The following EPHB6 variants were observed in gnomAD, a reference collection of about 807,000 sequenced individuals.
EPHB6 encodes ephrin type-B receptor 6.
Under a neutral mutation model 107.0 loss-of-function variants are expected in EPHB6, and 51 were observed. The observed-to-expected ratio is 0.48, with a 90% CI of 0.38 to 0.60. The LOEUF (loss-of-function observed/expected upper bound fraction) is 0.60. Among genes scored for constraint, EPHB6 ranks in the 20% least tolerant of loss-of-function variants. The probability of loss-of-function intolerance (pLI) is 0.00; values close to 1 mark genes in which losing one functional copy is unlikely to be tolerated. For synonymous variants in EPHB6, 553 were observed against 549.0 expected (o/e 1.01, Z -0.10); for missense variants, 1,141 against 1,355.5 (o/e 0.84, Z 2.48).
At position 142,863,252 on chromosome 7, in the gene EPHB6, T is replaced by C. The variant is rs1484362886; in HGVS notation, c.25T>C (p.Leu9=). The part of the protein sequence containing the change: MATEGAAQ[L]GNRVAGMVCS... ...CATGGCTACTGAAGGGGCTGCCCAG[T>C]TAGGGAACAGAGTGGCGGGCATGGT... Residue 9 remains leucine (L), a synonymous_variant, in exon 5 of 20, where the codon TTA becomes CTA. Transcript: ENST00000652003. 1.2e-6 allele frequency: 2 copies of C among 1,613,892 alleles called. No homozygotes were observed. Among genetic ancestry groups the C allele is most frequent in the South Asian group, 1.1e-5 (1 of 91,052 alleles).
Position 142,867,641 on chromosome 7 carries a change from C to A in EPHB6, c.1784C>A (p.Ser595Tyr). ...TCTTCCCAGCTTCCAGAAAGACTCTCCTTGGTGATCGGCTCCATCCTGGGG... is the reference window on the plus strand; with the variant it reads ...TCTTCCCAGCTTCCAGAAAGACTCTACTTGGTGATCGGCTCCATCCTGGGG... The part of the protein sequence containing the change: ...ELSSQLPERL[S>Y]LVIGSILGAL... The change falls in exon 12 of 20, where the codon TCC becomes TAC. Residue 595 changes from serine (S) to tyrosine (Y), a missense_variant. By Grantham distance (144) the Ser-to-Tyr change is moderately radical. Transcript: ENST00000652003. This position sits in a 1 kb window ranked among gnomAD's most constrained non-coding sequence, Gnocchi z 5.3. 1 of 1,613,526 alleles carries A rather than the reference C, an allele frequency of 6.2e-7. No homozygotes were observed. Among genetic ancestry groups the A allele is most frequent in the Non-Finnish European group, 8.5e-7 (1 of 1,179,930 alleles).
Position 142,866,541 on chromosome 7 carries a change from C to G in EPHB6, c.1523C>G (p.Ser508Cys), listed in dbSNP as rs2116449366. Residue 508 changes from serine (S) to cysteine (C), a missense_variant, in exon 10 of 20, where the codon TCC becomes TGC. This residue lies in a region of EPHB6 where 616 missense variants were observed against 759.3 expected (regional missense o/e 0.81). Transcript: ENST00000652003. This position sits in a 1 kb window ranked among gnomAD's most constrained non-coding sequence, Gnocchi z 5.2. ...VSRASNSITV[S>C]WPQPDQTNGN... Reference sequence around the variant, plus strand: ...CGGGCATCCAACAGCATCACGGTGTCCTGGCCGCAGCCCGACCAGACCAAT... The same window carrying G: ...CGGGCATCCAACAGCATCACGGTGTGCTGGCCGCAGCCCGACCAGACCAAT... 1 of 1,614,196 alleles carries G rather than the reference C, an allele frequency of 6.2e-7. No homozygotes were observed. Among genetic ancestry groups the G allele is most frequent in the Non-Finnish European group, 8.5e-7 (1 of 1,180,036 alleles).
intron 7 of EPHB6, among the ~76,000 whole-genome samples, chr7:142,864,987 A>G (rs1803073835): frequency 6.6e-6 from 1 of 152,202 alleles, no homozygotes; most frequent in Admixed American, 6.5e-5. Flanking sequence ...CCTTCTCCTA[A>G]GTCTTCAGGC....
intron 1 of EPHB6, among the ~76,000 whole-genome samples, chr7:142,860,026 A>C (rs1802774383): frequency 1.3e-5 from 2 of 152,220 alleles, no homozygotes; most frequent in African/African-American, 2.4e-5. Flanking sequence ...CATCAAAGCA[A>C]ATATCTTGCT....
intron 7 of EPHB6, among the ~76,000 whole-genome samples, chr7:142,865,179 G>A (rs1370657776): frequency 6.6e-6 from 1 of 152,208 alleles, no homozygotes; most frequent in Non-Finnish European, 1.5e-5. Context: ...GCAGCAGCAG[G>A]CCTCCGCAGA....
At position 142,864,138 on chromosome 7, in the gene EPHB6, C is replaced by A. The variant is rs889821568; in HGVS notation, c.338C>A (p.Ala113Glu). ...AHIRLHFSVR[A>E]CSSLGVSGGT... ...ATTCGACTCCACTTCTCTGTGCGGG[C>A]ATGCTCCAGCCTGGGTGTGAGCGGC... The change falls in exon 7 of 20, where the codon GCA (alanine) becomes GAA (glutamate). Residue 113 changes from alanine to glutamate, a missense_variant. Around this residue, in one of 3 missense-constraint regions of EPHB6, gnomAD observed 221 missense variants for 300.5 expected, o/e 0.74. Transcript: ENST00000652003. 7 of 1,613,938 alleles carry A rather than the reference C, an allele frequency of 4.3e-6. No homozygotes were observed. The African/African-American group carries it at 9.3e-5, about 22-fold the overall frequency.
In EPHB6 at chr7:142,855,325, C is replaced by A. The variant is rs1003967049; in HGVS notation, c.-492C>A. On this transcript the variant is annotated 5_prime_UTR_variant, in exon 1 of 20. Transcript: ENST00000652003. This position sits in a 1 kb window ranked among gnomAD's most constrained non-coding sequence, Gnocchi z 4.2. Reference sequence around the variant, plus strand: ...GTGGCACCGTGCGAGCTCCAGGAGCCCCGGGTCCACTGCGAGGCCTCGGGG... The same window carrying A: ...GTGGCACCGTGCGAGCTCCAGGAGCACCGGGTCCACTGCGAGGCCTCGGGG... 6.6e-6 allele frequency: 1 copy of A among 152,224 alleles called. No individual in the cohort carries two copies. The highest frequency in any genetic ancestry group is 2.4e-5 in the African/African-American group (1 of 41,448). 9.4% of individuals were successfully genotyped at this position (152,224 alleles called of 1,614,324 possible).
rs377235293 is a variant in EPHB6, at chr7:142,868,956, C to G, written c.2287-18C>G. 5 of 1,604,652 alleles carry G rather than the reference C, an allele frequency of 3.1e-6. No individual in the cohort carries two copies. The highest frequency in any genetic ancestry group is 4.2e-6 in the Non-Finnish European group (5 of 1,179,132). On this transcript the variant is annotated intron_variant, in intron 15 of 19. Coordinates refer to ENST00000652003, the MANE Select transcript of EPHB6 (RefSeq NM_004445.6). This position sits in a 1 kb window ranked among gnomAD's most constrained non-coding sequence, Gnocchi z 4.2. ...TGTCTCCGATCACTGACCTCTGCCC[C>G]CTGCCCCTTCCCCTCAGCAGCGGGA... is the stretch of plus-strand genomic sequence containing the variant.
rs371606089 is a variant in EPHB6 at position 142,863,074 on chromosome 7, T to C, written c.-101-53T>C. 11 of 650,828 alleles carry C rather than the reference T, an allele frequency of 1.7e-5. No homozygotes were observed. The African/African-American group carries it at 2.0e-4, about 12-fold the overall frequency. 40.3% of individuals were successfully genotyped at this position (650,828 alleles called of 1,614,324 possible). On this transcript the variant is annotated intron_variant, in intron 4 of 19. Coordinates refer to ENST00000652003, the MANE Select transcript of EPHB6 (RefSeq NM_004445.6). ...CAGCTTTTGGAGCTTGGGCTGTATA[T>C]GAAGAAACACTTTCTTCCCACCTGC...
chr7:142,862,928 G>T, intron 4 of EPHB6, 95 bp downstream of exon 4: 1 of 413,648 alleles, frequency 2.4e-6, no homozygotes, highest in Non-Finnish European at 4.4e-6. Flanking sequence ...GAGTAGGCAC[G>T]AACACTCCAA....
chr7:142,864,565 C>T lies in EPHB6; in HGVS notation c.765C>T (p.Ser255=), dbSNP rs1354060771. ...AGGCCAGTGGGGCTGGGGGGGCCTC[C>T]CTGGTGGCAGCTGTGGGCACCTGTG... ...ETQASGAGGA[S]LVAAVGTCVA... is the part of the protein sequence containing the mutation. Residue 255 remains serine, a synonymous_variant, in exon 7 of 20, where the codon TCC becomes TCT. Coordinates refer to ENST00000652003, the MANE Select transcript of EPHB6 (RefSeq NM_004445.6). 6.2e-7 allele frequency: 1 copy of T among 1,613,124 alleles called. No individual in the cohort carries two copies. Among genetic ancestry groups the T allele is most frequent in the Non-Finnish European group, 8.5e-7 (1 of 1,179,896 alleles).
At chr7:142,864,897 T>G (rs1046173702) in intron 7 of EPHB6, 148 bp downstream of exon 7, 3 of 1,047,658 alleles carry the variant, frequency 2.9e-6, no homozygotes, top group Non-Finnish European at 4.3e-6. Context: ...TCCCTAATTT[T>G]ATTTCTTAAA....
chr7:142,867,601 C>A lies in EPHB6; in HGVS notation c.1751-7C>A, dbSNP rs375999436. 1.2e-6 allele frequency: 2 copies of A among 1,608,832 alleles called. No individual in the cohort carries two copies. The highest frequency in any genetic ancestry group is 1.3e-5 in the African/African-American group (1 of 74,862). ...CCCACCTGTGACCCTGTCGGCTGGT[C>A]CCCCAGGGGAGCTGTCTTCCCAGCT... On this transcript the variant is annotated splice_region_variant and splice_polypyrimidine_tract_variant and intron_variant, in intron 11 of 19. Coordinates refer to ENST00000652003, the MANE Select transcript of EPHB6 (RefSeq NM_004445.6). This position sits in a 1 kb window ranked among gnomAD's most constrained non-coding sequence, Gnocchi z 5.3.
In EPHB6 at chr7:142,870,230, A is replaced by G; in HGVS notation, c.2627A>G (p.Glu876Gly). 6.2e-7 allele frequency: 1 copy of G among 1,614,174 alleles called. No individual in the cohort carries two copies. The highest frequency in any genetic ancestry group is 8.5e-7 in the Non-Finnish European group (1 of 1,180,034). The stretch of plus-strand genomic sequence containing the variant: ...GACCCCCAGGTACTAAATGCAATAG[A>G]GCAGGAGTTCCGGCTGCCCCCGCCT... ...MSEQEVLNAIEQEFRLPPPPG... is the reference protein window; with the variant it reads ...MSEQEVLNAIGQEFRLPPPPG... Residue 876 changes from glutamate to glycine, a missense_variant, in exon 18 of 20, where the codon GAG becomes GGG. By Grantham distance (98) the Glu-to-Gly change is moderately conservative. This residue lies in a region of EPHB6 where 616 missense variants were observed against 759.3 expected (regional missense o/e 0.81). Coordinates refer to ENST00000652003, the MANE Select transcript of EPHB6 (RefSeq NM_004445.6).
In EPHB6 at chr7:142,869,174, C is replaced by T; in HGVS notation, c.2460+27C>T. 1 of 1,605,934 alleles carries T rather than the reference C, an allele frequency of 6.2e-7. No individual in the cohort carries two copies. The highest frequency in any genetic ancestry group is 8.5e-7 in the Non-Finnish European group (1 of 1,175,216). On this transcript the variant is annotated intron_variant, in intron 16 of 19. Coordinates refer to ENST00000652003, the MANE Select transcript of EPHB6 (RefSeq NM_004445.6). The surrounding 1 kb of genome is among the most constrained non-coding windows in gnomAD (Gnocchi z 4.5). ...TGAGAGCACAGCCTTGGGGACACAG[C>T]CTGGGGCCTTGTGGCATGCCCCAGC...
At position 142,866,360 on chromosome 7, in the gene EPHB6, C is replaced by A. The variant is rs1475006644; in HGVS notation, c.1462+44C>A. On this transcript the variant is annotated intron_variant, in intron 9 of 19. Coordinates refer to ENST00000652003, the MANE Select transcript of EPHB6 (RefSeq NM_004445.6). This position sits in a 1 kb window ranked among gnomAD's most constrained non-coding sequence, Gnocchi z 5.2. ...CCTTCAGGATCCCCTGCCTCCGCTCCTTTGAGCCCCCTTCCCTACTCCTGA... is the reference window on the plus strand; with the variant it reads ...CCTTCAGGATCCCCTGCCTCCGCTCATTTGAGCCCCCTTCCCTACTCCTGA... 2 of 1,612,290 alleles carry A rather than the reference C, an allele frequency of 1.2e-6. No individual in the cohort carries two copies. Among genetic ancestry groups the A allele is most frequent in the African/African-American group, 2.7e-5 (2 of 74,898 alleles).
intron 8 of EPHB6, 55 bp downstream of exon 8, chr7:142,865,685 G>C: frequency 1.3e-6 from 2 of 1,599,542 alleles, no homozygotes; most frequent in Non-Finnish European, 1.7e-6. Flanking sequence ...GGGGCCAGAA[G>C]TGGGGGTAGC....
chr7:142,870,378 C>G lies in EPHB6; in HGVS notation c.2775C>G (p.Thr925=). ...ACAAGATGATCCGCAAGCCAGATAC[C>G]CTGCAGGCTGGCGGGGACCCAGGGG... ...AFDKMIRKPD[T]LQAGGDPGER... The change falls in exon 18 of 20, where the codon ACC becomes ACG. Residue 925 remains threonine, a synonymous_variant. Transcript: ENST00000652003. 1.2e-6 allele frequency: 2 copies of G among 1,614,176 alleles called. No homozygotes were observed. The highest frequency in any genetic ancestry group is 1.7e-6 in the Non-Finnish European group (2 of 1,180,042).
At position 142,868,802 on chromosome 7, in the gene EPHB6, G is replaced by A; in HGVS notation, c.2286+63G>A. 6.2e-7 allele frequency: 1 copy of A among 1,612,818 alleles called. No homozygotes were observed. On this transcript the variant is annotated intron_variant, in intron 15 of 19. Coordinates refer to ENST00000652003, the MANE Select transcript of EPHB6 (RefSeq NM_004445.6). The surrounding 1 kb of genome is among the most constrained non-coding windows in gnomAD (Gnocchi z 4.2). ...TCCAGGAAAGCTTCCAGGAGACGAGGTCCTGTATCTTTGCTTCTTACCACC... is the reference window on the plus strand; with the variant it reads ...TCCAGGAAAGCTTCCAGGAGACGAGATCCTGTATCTTTGCTTCTTACCACC...
Sources: allele counts gnomAD v4.1 joint callset (sites outside exome capture counted in the v4.1 genomes callset), GRCh38; gene constraint gnomAD v4.1.1; regional missense constraint gnomAD v4.1.1; non-coding constraint Gnocchi (gnomAD v3.1); transcripts MANE v1.5; gene names NCBI Gene and HGNC (gene_info 2026-07-23, HGNC 2026-07-21).